The following NDUFA10 variants were observed in gnomAD, a reference collection of about 807,000 sequenced individuals.
The protein encoded by NDUFA10 is NADH dehydrogenase [ubiquinone] 1 alpha subcomplex subunit 10, mitochondrial.
Under a neutral mutation model 47.8 loss-of-function variants are expected in NDUFA10, and 40 were observed. The observed-to-expected ratio is 0.84, with a 90% CI of 0.65 to 1.09. The LOEUF (loss-of-function observed/expected upper bound fraction) is 1.09. NDUFA10 is among the 50% of genes least tolerant of loss of function. The probability of loss-of-function intolerance (pLI) is 0.00; values close to 1 mark genes in which losing one functional copy is unlikely to be tolerated. For missense variants in NDUFA10, 413 were observed against 451.1 expected (o/e 0.92, Z 0.76); for synonymous variants, 183 against 172.2 (o/e 1.06, Z -0.49).
At position 239,899,034 on chromosome 2, in the gene NDUFA10, A is replaced by C. The variant is rs144640628; in HGVS notation, c.295-3720T>G. On this transcript the variant is annotated intron_variant, in intron 4 of 5. Transcript: ENST00000419408. The stretch of plus-strand genomic sequence containing the variant: ...ATGGAGGGGAGTCATGGAGGGGTGT[A>C]AAGGAGGGGTGTGATGGAGGAGTGT... 2.2e-3 allele frequency among the ~76,000 whole-genome samples: 93 copies of C among 42,188 alleles called. 1 individual carries two copies. Among genetic ancestry groups the C allele is most frequent in the East Asian group, 0.011 (9 of 832 alleles). The allele number at this position is 42,188 out of a possible 152,430, so 27.7% of individuals were successfully genotyped here.
intron 5 of NDUFA10, chr2:240,011,905 A>C: frequency 1.6e-6 from 1 of 606,252 alleles, no homozygotes. Flanking sequence ...AGCCTGCCCA[A>C]GTGCTCCCAT....
intron 4 of NDUFA10, among the ~76,000 whole-genome samples, chr2:239,923,764 A>AT (rs1427752436): frequency 6.6e-6 from 1 of 152,116 alleles, no homozygotes; most frequent in African/African-American, 2.4e-5. Flanking sequence ...AAAAGCAGAA[A>AT]TCAATGAAAT....
At chr2:239,973,768 C>T (rs781742142) in intron 9 of NDUFA10, 55 of 377,532 alleles carry the variant, frequency 1.5e-4, no homozygotes, top group Middle Eastern at 1.1e-3. Flanking sequence ...AAAAAATCAG[C>T]AGCCTGTCCT....
chr2:239,957,110 G>A (rs1374132170), downstream of NDUFA10, among the ~76,000 whole-genome samples: 2 of 152,264 alleles, frequency 1.3e-5, no homozygotes, highest in South Asian at 2.1e-4. Context: ...CCTCCACTGC[G>A]GGCTCGCCAA....
intron 4 of NDUFA10, among the ~76,000 whole-genome samples, chr2:239,903,138 G>A (rs957829543): frequency 4.6e-5 from 7 of 152,126 alleles, no homozygotes; most frequent in Non-Finnish European, 8.8e-5. Context: ...TCACCCTGAG[G>A]CTCTGAGGCT....
intron 9 of NDUFA10, among the ~76,000 whole-genome samples, chr2:239,978,061 G>A (rs896612271): frequency 6.6e-6 from 1 of 152,100 alleles, no homozygotes; most frequent in East Asian, 1.9e-4. Context: ...TGAGCTGAGA[G>A]GCCTCCCTGC....
chr2:239,989,456 T>C (rs1381291519), intron 9 of NDUFA10, among the ~76,000 whole-genome samples: 2 of 152,244 alleles, frequency 1.3e-5, no homozygotes, highest in African/African-American at 4.8e-5. Context: ...GCCGCGGATA[T>C]GGATCGTGCT....
At chr2:239,938,321 C>T (rs924524767) in intron 4 of NDUFA10, among the ~76,000 whole-genome samples, 6 of 152,232 alleles carry the variant, frequency 3.9e-5, no homozygotes, top group African/African-American at 9.6e-5. Flanking sequence ...CCACACCTCC[C>T]GCCACTCCGC....
intron 9 of NDUFA10, among the ~76,000 whole-genome samples, chr2:239,985,911 CAAAAA>C (rs34928768): frequency 0.012 from 1,077 of 91,838 alleles, 2 homozygotes; most frequent in Middle Eastern, 0.036. Flanking sequence ...GATTCTGTCT[CAAAAA>C]AAAAAAAAAA....
chr2:239,982,285 T>C (rs1045281488), intron 9 of NDUFA10: 9 of 1,588,790 alleles, frequency 5.7e-6, no homozygotes, highest in East Asian at 4.5e-5. Context: ...TACTTTTCTT[T>C]AGTTACTTGT....
At chr2:239,944,371 G>A (rs541763627) in intron 4 of NDUFA10, among the ~76,000 whole-genome samples, 37 of 152,308 alleles carry the variant, frequency 2.4e-4, no homozygotes, top group Non-Finnish European at 4.9e-4. Flanking sequence ...CAGGGCCAGC[G>A]CCGCAGGCTG....
At chr2:239,991,804 G>A (rs189090495) in intron 8 of NDUFA10, among the ~76,000 whole-genome samples, 2 of 152,308 alleles carry the variant, frequency 1.3e-5, no homozygotes, top group Admixed American at 1.3e-4. Context: ...GAGGTGACAT[G>A]GTTCTCTTTA....
intron 1 of NDUFA10, among the ~76,000 whole-genome samples, chr2:240,024,112 G>A (rs7588310): frequency 0.69 from 104,340 of 152,170 alleles, 35,988 homozygotes; most frequent in East Asian, 0.76. Context: ...ATGAGTAATC[G>A]CTCTTCCAGG....
intron 6 of NDUFA10, among the ~76,000 whole-genome samples, chr2:240,009,241 G>A (rs983579098): frequency 9.2e-5 from 14 of 152,208 alleles, no homozygotes; most frequent in Non-Finnish European, 4.4e-5. Context: ...TCTTGTCTCT[G>A]AAATCTCAGA....
At chr2:239,969,537 T>C in intron 9 of NDUFA10, 1 of 403,448 alleles carries the variant, frequency 2.5e-6, no homozygotes, top group Non-Finnish European at 5.0e-6. Flanking sequence ...TGCCAGCTGT[T>C]CCTGTGGACA....
intron 9 of NDUFA10, among the ~76,000 whole-genome samples, chr2:239,981,039 A>T (rs1483102413): frequency 6.6e-6 from 1 of 152,206 alleles, no homozygotes; most frequent in African/African-American, 2.4e-5. Context: ...GGTGCCATCA[A>T]TCCCTCCCTG....
At chr2:239,984,426 T>C (rs1019715672) in intron 9 of NDUFA10, among the ~76,000 whole-genome samples, 39 of 152,326 alleles carry the variant, frequency 2.6e-4, no homozygotes, top group African/African-American at 8.7e-4. Context: ...TTGAAATGCT[T>C]AGAAATTTAA....
chr2:239,968,938 G>C (rs896808607), intron 9 of NDUFA10, among the ~76,000 whole-genome samples: 1 of 152,202 alleles, frequency 6.6e-6, no homozygotes, highest in South Asian at 2.1e-4. Flanking sequence ...CCTGAAGAAA[G>C]CCCATTGCAG....
Position 239,928,361 on chromosome 2 carries a change from G to A in NDUFA10, c.295-33047C>T, listed in dbSNP as rs1261964290. ...CTAAAGAAAAGAAGGCAAAAGACAAGATGAAATACAGAGCTGGAAAGAGAA... is the reference window on the plus strand; with the variant it reads ...CTAAAGAAAAGAAGGCAAAAGACAAAATGAAATACAGAGCTGGAAAGAGAA... On this transcript the variant is annotated intron_variant, in intron 4 of 5. Transcript: ENST00000419408. The surrounding 1 kb of genome is among the most constrained non-coding windows in gnomAD (Gnocchi z 4.3). 6.6e-6 allele frequency among the ~76,000 whole-genome samples: 1 copy of A among 152,138 alleles called. No individual in the cohort carries two copies. Among genetic ancestry groups the A allele is most frequent in the Non-Finnish European group, 1.5e-5 (1 of 68,008 alleles).
Sources: allele counts gnomAD v4.1 joint callset (sites outside exome capture counted in the v4.1 genomes callset), GRCh38; gene constraint gnomAD v4.1.1; non-coding constraint Gnocchi (gnomAD v3.1); transcripts MANE v1.5; gene names NCBI Gene and HGNC (gene_info 2026-07-23, HGNC 2026-07-21).